NEO1: variants seen among roughly 807,000 people sequenced by gnomAD.
NEO1 encodes neogenin 1.
In NEO1, 63 loss-of-function variants were observed where a neutral mutation model predicts 159.7. The observed-to-expected ratio is 0.39, with a 90% CI of 0.32 to 0.49. The LOEUF (loss-of-function observed/expected upper bound fraction) is 0.49, where lower values mean the gene tolerates loss of function less well. NEO1 is among the 20% of genes least tolerant of loss of function. The probability of loss-of-function intolerance (pLI) is 0.85; values close to 1 mark genes in which losing one functional copy is unlikely to be tolerated. For synonymous variants in NEO1, 633 were observed against 662.0 expected, an observed-to-expected ratio of 0.96 and a Z score of 0.67; for missense variants, 1,615 against 1,831.0, an observed-to-expected ratio of 0.88 and a Z score of 2.15.
At chr15:73,291,102 C>A (rs1453969337) in intron 25 of NEO1, among the ~76,000 whole-genome samples, 4 of 152,132 alleles carry the variant, frequency 2.6e-5, no homozygotes, top group Non-Finnish European at 4.4e-5. Flanking sequence ...CATGGTTTCC[C>A]TCTTACAAGA....
intron 1 of NEO1, among the ~76,000 whole-genome samples, chr15:73,093,697 C>T (rs539945047): frequency 6.6e-6 from 1 of 152,172 alleles, no homozygotes; most frequent in South Asian, 2.1e-4. Context: ...CCTCAACCTC[C>T]CAAGTAGCTG....
At chr15:73,299,287 TA>T in intron 27 of NEO1, among the ~76,000 whole-genome samples, 1 of 152,330 alleles carries the variant, frequency 6.6e-6, no homozygotes, top group Non-Finnish European at 1.5e-5. Flanking sequence ...ATATTAAAAT[TA>T]AAACTAAGAA....
chr15:73,261,277 A>G (rs1294388597), intron 15 of NEO1, among the ~76,000 whole-genome samples: 2 of 152,178 alleles, frequency 1.3e-5, no homozygotes, highest in African/African-American at 2.4e-5. Flanking sequence ...TCTGGGCACT[A>G]TATCTATTCA....
intron 23 of NEO1, among the ~76,000 whole-genome samples, chr15:73,283,686 G>A (rs2041823491): frequency 6.6e-6 from 1 of 152,180 alleles, no homozygotes; most frequent in South Asian, 2.1e-4. Flanking sequence ...CTAGAGAATA[G>A]ATGTGGTGAG....
intron 15 of NEO1, among the ~76,000 whole-genome samples, chr15:73,264,111 C>A (rs900324806): frequency 3.9e-5 from 6 of 152,024 alleles, no homozygotes; most frequent in African/African-American, 1.2e-4. Flanking sequence ...CGCTTGATCC[C>A]TAGAGGTCAA....
intron 1 of NEO1, among the ~76,000 whole-genome samples, chr15:73,060,433 T>C (rs1417851359): frequency 1.3e-5 from 2 of 151,646 alleles, no homozygotes; most frequent in African/African-American, 4.8e-5. Flanking sequence ...CCTGCTAATT[T>C]TTTTTGTACT....
intron 7 of NEO1, among the ~76,000 whole-genome samples, chr15:73,224,903 G>C (rs1300795277): frequency 6.6e-6 from 1 of 152,052 alleles, no homozygotes; most frequent in South Asian, 2.1e-4. Flanking sequence ...TACCAGAGTT[G>C]GTTTTCTGGT....
chr15:73,159,391 T>C (rs1367488753), intron 5 of NEO1, among the ~76,000 whole-genome samples: 3 of 152,066 alleles, frequency 2.0e-5, no homozygotes, highest in African/African-American at 4.8e-5. Flanking sequence ...GTTTAAGATA[T>C]AGTCATTTGA....
At chr15:73,270,478 C>A in intron 18 of NEO1, 24 bp downstream of exon 18, 2 of 1,580,028 alleles carry the variant, frequency 1.3e-6, no homozygotes, top group South Asian at 1.2e-5. Flanking sequence ...GAAGCCATGT[C>A]ACATGGCTGC....
At chr15:73,106,872 A>G (rs1191067536) in intron 1 of NEO1, among the ~76,000 whole-genome samples, 1 of 152,224 alleles carries the variant, frequency 6.6e-6, no homozygotes, top group African/African-American at 2.4e-5. Flanking sequence ...TTATGCCTTT[A>G]GACTTCGTCC....
intron 23 of NEO1, among the ~76,000 whole-genome samples, chr15:73,288,051 A>T (rs1431975253): frequency 6.6e-6 from 1 of 152,236 alleles, no homozygotes; most frequent in South Asian, 2.1e-4. Flanking sequence ...AGTCAAAAAA[A>T]GTAGTCACAA....
At chr15:73,234,968 G>A (rs939184678) in intron 7 of NEO1, among the ~76,000 whole-genome samples, 1 of 152,160 alleles carries the variant, frequency 6.6e-6, no homozygotes, top group Non-Finnish European at 1.5e-5. Flanking sequence ...CTATTTTATA[G>A]AGCTGCTGTA....
In NEO1 at chr15:73,132,824, G is replaced by T. The variant is rs181502521; in HGVS notation, c.879-3067G>T. On this transcript the variant is annotated intron_variant, in intron 4 of 28. Coordinates refer to ENST00000261908, the MANE Select transcript of NEO1 (RefSeq NM_002499.4). ...TATGAGGGAAATGCAAATCAAAACC[G>T]CAGTGCAAAACCACCTTCCTCCTGC... Among the ~76,000 whole-genome samples, 3 of 151,912 alleles carry T rather than the reference G, an allele frequency of 2.0e-5. No individual in the cohort carries two copies. The South Asian group carries it at 6.2e-4, about 31-fold the overall frequency.
At chr15:73,226,913 G>T (rs2038622473) in intron 7 of NEO1, among the ~76,000 whole-genome samples, 1 of 152,194 alleles carries the variant, frequency 6.6e-6, no homozygotes, top group Non-Finnish European at 1.5e-5. Context: ...AAATGTAAAT[G>T]TACCTACTCA....
chr15:73,065,300 A>ATTTTTTTTTTTTTTTTTTTT (rs1018218451), intron 1 of NEO1, among the ~76,000 whole-genome samples: 1 of 139,534 alleles, frequency 7.2e-6, no homozygotes. Context: ...GTTGCTCTTC[A>ATTTTTTTTTTTTTTTTTTTT]TTTTTTTTTT....
At position 73,290,220 on chromosome 15, in the gene NEO1, T is replaced by C. The variant is rs1355120831; in HGVS notation, c.3742+982T>C. On this transcript the variant is annotated intron_variant, in intron 25 of 28. Coordinates refer to ENST00000261908, the MANE Select transcript of NEO1 (RefSeq NM_002499.4). ...TAGAATAGCTTTAGGTTTTACTGTGTGGAATTTTTTTTTTTTTTTTTTTTT... is the reference window on the plus strand; with the variant it reads ...TAGAATAGCTTTAGGTTTTACTGTGCGGAATTTTTTTTTTTTTTTTTTTTT... 2.1e-5 allele frequency among the ~76,000 whole-genome samples: 3 copies of C among 142,478 alleles called. No homozygotes were observed. In the East Asian group the frequency reaches 6.1e-4, roughly 29 times the overall value. 93.5% of individuals were successfully genotyped at this position (142,478 alleles called of 152,430 possible). A position where few individuals can be genotyped will look rare whatever the true frequency, so the allele number is the denominator to read the frequency against.
In NEO1 at chr15:73,270,207, A is replaced by G. The variant is rs1384534589; in HGVS notation, c.2692A>G (p.Asn898Asp). ...ATACTACACCGTCCGATGGAAAACCAACATCCCAGCAAACACCAAGTACAA... is the reference window on the plus strand; with the variant it reads ...ATACTACACCGTCCGATGGAAAACCGACATCCCAGCAAACACCAAGTACAA... Reference protein sequence around the residue: ...SRYYTVRWKTNIPANTKYKNA... With the variant: ...SRYYTVRWKTDIPANTKYKNA... The change falls in exon 17 of 29, where the codon AAC (asparagine) becomes GAC (aspartate). Residue 898 changes from asparagine (N) to aspartate (D), a missense_variant. Asn to Asp is a conservative substitution (Grantham distance 23). This residue lies in a region of NEO1 where 1,018 missense variants were observed against 1,115.4 expected (regional missense o/e 0.91). Coordinates refer to ENST00000261908, the MANE Select transcript of NEO1 (RefSeq NM_002499.4). 1 of 1,614,204 alleles carries G rather than the reference A, an allele frequency of 6.2e-7. No individual in the cohort carries two copies. The highest frequency in any genetic ancestry group is 8.5e-7 in the Non-Finnish European group (1 of 1,180,046).
chr15:73,244,954 C>CAAAAAAAAAAAAAAAAAAAAAA (rs57566986), intron 9 of NEO1, among the ~76,000 whole-genome samples: 8 of 16,526 alleles, frequency 4.8e-4, no homozygotes, highest in South Asian at 4.7e-3. Flanking sequence ...GACTCTGTCT[C>CAAAAAAAAAAAAAAAAAAAAAA]AAAAAAAAAA....
Position 73,249,121 on chromosome 15 carries a change from T to C in NEO1, c.1668T>C (p.Thr556=). The change falls in exon 10 of 29, where the codon ACT becomes ACC. Residue 556 remains threonine, a synonymous_variant. Coordinates refer to ENST00000261908, the MANE Select transcript of NEO1 (RefSeq NM_002499.4). ...ATGCAGCTTCGCCTACCTCCATCAC[T>C]GTTACGTGGGAAACACCAGTGTCTG... The part of the protein sequence containing the change: ...RAYAASPTSI[T]VTWETPVSGN... 4 of 1,614,110 alleles carry C rather than the reference T, an allele frequency of 2.5e-6. No individual in the cohort carries two copies. The highest frequency in any genetic ancestry group is 3.4e-6 in the Non-Finnish European group (4 of 1,179,972).
Sources: allele counts gnomAD v4.1 joint callset (sites outside exome capture counted in the v4.1 genomes callset), GRCh38; gene constraint gnomAD v4.1.1; regional missense constraint gnomAD v4.1.1; transcripts MANE v1.5; gene names NCBI Gene and HGNC (gene_info 2026-07-23, HGNC 2026-07-21).